The following TCF21 variants were observed in gnomAD, a reference collection of about 807,000 sequenced individuals.
TCF21 encodes the protein transcription factor 21, also known as capsulin.
A neutral mutation model predicts 13.5 loss-of-function variants in TCF21; 3 were observed. The observed-to-expected ratio is 0.22, with a 90% confidence interval of 0.10 to 0.57. The LOEUF (loss-of-function observed/expected upper bound fraction) is 0.57. TCF21 is among the 20% of genes least tolerant of loss of function. The probability of loss-of-function intolerance (pLI) is 0.92; values close to 1 mark genes in which losing one functional copy is unlikely to be tolerated. For missense variants in TCF21, 181 were observed against 238.4 expected, an observed-to-expected ratio of 0.76 and a Z score of 1.59; for synonymous variants, 92 against 101.7, an observed-to-expected ratio of 0.90 and a Z score of 0.57.
In TCF21 at chr6:133,889,652, C is replaced by T. The variant is rs984449296; in HGVS notation, c.255C>T (p.Asn85=). ...EGKQVQRNAA[N]ARERARMRVL... Reference sequence around the variant, plus strand: ...AGCAGGTCCAGCGCAACGCCGCCAACGCGCGAGAGCGGGCCCGCATGCGAG... The same window carrying T: ...AGCAGGTCCAGCGCAACGCCGCCAATGCGCGAGAGCGGGCCCGCATGCGAG... Residue 85 remains asparagine, a synonymous_variant, in exon 1 of 2, where the codon AAC becomes AAT. Coordinates refer to ENST00000367882, the MANE Select transcript of TCF21 (RefSeq NM_003206.4). This position sits in a 1 kb window ranked among gnomAD's most constrained non-coding sequence, Gnocchi z 5.1. The T allele has an allele frequency of 6.2e-7, 1 of 1,613,800 alleles. No individual in the cohort carries two copies.
chr6:133,893,402 T>A (rs1271701091), downstream of TCF21: 1 of 152,288 alleles, frequency 6.6e-6, no homozygotes, highest in Non-Finnish European at 1.5e-5. Flanking sequence ...TCCACCTGTC[T>A]ATTTGCACAT....
chr6:133,889,538 G>A lies in TCF21; in HGVS notation c.141G>A (p.Gly47=). ...AGGAGAGCTCCAACTGCGAGAATGGGTCTCCCCAGAAGGGCCGCGGCGGCC... is the reference window on the plus strand; with the variant it reads ...AGGAGAGCTCCAACTGCGAGAATGGATCTCCCCAGAAGGGCCGCGGCGGCC... ...STEESSNCEN[G]SPQKGRGGLG... Residue 47 remains glycine, a synonymous_variant, in exon 1 of 2, where the codon GGG becomes GGA. Coordinates refer to ENST00000367882, the MANE Select transcript of TCF21 (RefSeq NM_003206.4). This position sits in a 1 kb window ranked among gnomAD's most constrained non-coding sequence, Gnocchi z 5.1. 1.9e-6 allele frequency: 3 copies of A among 1,614,062 alleles called. No individual in the cohort carries two copies. The highest frequency in any genetic ancestry group is 2.5e-6 in the Non-Finnish European group (3 of 1,179,970).
Position 133,891,815 on chromosome 6 carries a change from GA to G in TCF21, c.*14del. ...CACCGCGTCCTGACCTTGGAGGTGC[GA>G]GTCTGGGAAAGGCGCGCTCCCGGGG... On this transcript the variant is annotated 3_prime_UTR_variant, in exon 2 of 2. Coordinates refer to ENST00000367882, the MANE Select transcript of TCF21 (RefSeq NM_003206.4). The G allele has an allele frequency of 6.2e-7, 1 of 1,613,380 alleles. No homozygotes were observed. The highest frequency in any genetic ancestry group is 8.5e-7 in the Non-Finnish European group (1 of 1,179,480).
Position 133,891,889 on chromosome 6 carries a change from C to T in TCF21, c.*87C>T, listed in dbSNP as rs768093248. The T allele has an allele frequency of 2.0e-5, 28 of 1,370,504 alleles. No homozygotes were observed. The highest frequency in any genetic ancestry group is 2.8e-5 in the Non-Finnish European group (28 of 983,174). 84.9% of individuals were successfully genotyped at this position (1,370,504 alleles called of 1,614,324 possible). A position where few individuals can be genotyped will look rare whatever the true frequency, so the allele number is the denominator to read the frequency against. On this transcript the variant is annotated 3_prime_UTR_variant, in exon 2 of 2. Transcript: ENST00000367882. ...CCCCTGCCCTCAGTGCTCTCTGTCT[C>T]TGCTTCCCCCTCGCAATGCTCCTCT... is the stretch of plus-strand genomic sequence containing the variant.
chr6:133,891,631 C>CCTCCCT, intron 1 of TCF21, 82 bp from the exon 2 acceptor site: 2 of 1,215,180 alleles, frequency 1.6e-6, no homozygotes, highest in South Asian at 1.3e-5. Flanking sequence ...CACCGCCCCC[C>CCTCCCT]TTCCTTTCAT....
chr6:133,891,625 GC>G (rs1457890812), intron 1 of TCF21, 87 bp from the exon 2 acceptor site: 20 of 400,542 alleles, frequency 5.0e-5, no homozygotes, highest in South Asian at 1.9e-4. Flanking sequence ...TGCCCCCACC[GC>G]CCCCCTTCCT....
Position 133,889,359 on chromosome 6 carries a change from GTCTCTC to G in TCF21, c.-26_-21del, listed in dbSNP as rs3068172. ...TCTTCCTCGCTTTCTCTGTCTCTCT[GTCTCTC>G]TCTCTCTCTCTCCCTCGTCCACTCC... On this transcript the variant is annotated 5_prime_UTR_variant, in exon 1 of 2. Coordinates refer to ENST00000367882, the MANE Select transcript of TCF21 (RefSeq NM_003206.4). This position sits in a 1 kb window ranked among gnomAD's most constrained non-coding sequence, Gnocchi z 5.1. 3 of 1,518,514 alleles carry G rather than the reference GTCTCTC, an allele frequency of 2.0e-6. No homozygotes were observed. Among genetic ancestry groups the G allele is most frequent in the South Asian group, 1.2e-5 (1 of 85,172 alleles). 94.1% of individuals were successfully genotyped at this position (1,518,514 alleles called of 1,614,324 possible). A position where few individuals can be genotyped will look rare whatever the true frequency, so the allele number is the denominator to read the frequency against.
intron 1 of TCF21, among the ~76,000 whole-genome samples, chr6:133,890,059 T>C (rs1243477931): frequency 6.6e-6 from 1 of 151,458 alleles, no homozygotes; most frequent in Admixed American, 6.6e-5. Flanking sequence ...GGAGCGGGAG[T>C]GATTTATGCG....
In TCF21 at chr6:133,891,976, A is replaced by G. The variant is rs1371413153; in HGVS notation, c.*174A>G. 17 of 624,094 alleles carry G rather than the reference A, an allele frequency of 2.7e-5. No homozygotes were observed. Among genetic ancestry groups the G allele is most frequent in the Non-Finnish European group, 4.7e-5 (17 of 361,124 alleles). The allele number at this position is 624,094 out of a possible 1,614,324, so 38.7% of individuals were successfully genotyped here. A position where few individuals can be genotyped will look rare whatever the true frequency, so the allele number is the denominator to read the frequency against. On this transcript the variant is annotated 3_prime_UTR_variant, in exon 2 of 2. Coordinates refer to ENST00000367882, the MANE Select transcript of TCF21 (RefSeq NM_003206.4). ...AGGAGATTCGTTTCCAAACCAGAGGAGATCAATTGTACTTACAAAGATTCC... is the reference window on the plus strand; with the variant it reads ...AGGAGATTCGTTTCCAAACCAGAGGGGATCAATTGTACTTACAAAGATTCC...
downstream of TCF21, chr6:133,893,120 T>C (rs936133929): frequency 1.3e-4 from 19 of 150,542 alleles, no homozygotes; most frequent in African/African-American, 4.0e-4. Flanking sequence ...ATTTGCTCTT[T>C]CTTTTCGATT....
At chr6:133,894,774 G>A (rs1156337322), downstream of TCF21, 1 of 152,324 alleles carries the variant, frequency 6.6e-6, no homozygotes, top group Non-Finnish European at 1.5e-5. Context: ...TTGGCCTCAA[G>A]CCAGTATAGT....
chr6:133,890,516 C>T (rs1572425), intron 1 of TCF21, among the ~76,000 whole-genome samples: 132,277 of 152,182 alleles, frequency 0.87, 57,682 homozygotes, highest in Admixed American at 0.92. Flanking sequence ...GTCACTCTCA[C>T]CCAAGATTTA....
At position 133,889,885 on chromosome 6, in the gene TCF21, G is replaced by T. The variant is rs1159493067; in HGVS notation, c.450+38G>T. ...GGGGCTGCAGCTGCAGTCCAGGCGC[G>T]CCCGCACTCCCGCCTGCGGTGGGCG... On this transcript the variant is annotated intron_variant, in intron 1 of 1. Coordinates refer to ENST00000367882, the MANE Select transcript of TCF21 (RefSeq NM_003206.4). The surrounding 1 kb of genome is among the most constrained non-coding windows in gnomAD (Gnocchi z 5.1). 1.9e-6 allele frequency: 3 copies of T among 1,609,318 alleles called. No homozygotes were observed. The highest frequency in any genetic ancestry group is 3.3e-5 in the Admixed American group (2 of 59,976).
At chr6:133,895,370 GA>G (rs1244956903), downstream of TCF21, 1 of 152,184 alleles carries the variant, frequency 6.6e-6, no homozygotes, top group Non-Finnish European at 1.5e-5. Context: ...AATGCAGTGG[GA>G]AAGAAAATAT....
downstream of TCF21, chr6:133,895,031 C>G (rs1775280302): frequency 6.6e-6 from 1 of 152,180 alleles, no homozygotes; most frequent in Admixed American, 6.5e-5. Context: ...CTCTCTCTCT[C>G]TCTCTCTCAT....
Position 133,889,293 on chromosome 6 carries a change from A to C in TCF21, c.-105A>C. 2.8e-6 allele frequency: 4 copies of C among 1,429,300 alleles called. No homozygotes were observed. The highest frequency in any genetic ancestry group is 3.9e-6 in the Non-Finnish European group (4 of 1,026,294). The allele number at this position is 1,429,300 out of a possible 1,614,324, so 88.5% of individuals were successfully genotyped here. ...AGGAGGTGGCTGCGCCACACTCGGGAGGCCTCTTGGTTTCAGGGTCTCTCT... is the reference window on the plus strand; with the variant it reads ...AGGAGGTGGCTGCGCCACACTCGGGCGGCCTCTTGGTTTCAGGGTCTCTCT... On this transcript the variant is annotated 5_prime_UTR_variant, in exon 1 of 2. Transcript: ENST00000367882. This position sits in a 1 kb window ranked among gnomAD's most constrained non-coding sequence, Gnocchi z 5.1.
downstream of TCF21, chr6:133,895,241 C>T (rs984114226): frequency 2.0e-5 from 3 of 152,320 alleles, no homozygotes; most frequent in South Asian, 6.2e-4. Flanking sequence ...TGCCTCCACC[C>T]TCCAGAGATC....
chr6:133,890,296 C>T (rs569731439), intron 1 of TCF21, among the ~76,000 whole-genome samples: 75 of 152,280 alleles, frequency 4.9e-4, no homozygotes, highest in African/African-American at 1.7e-3. Context: ...AATAAAAACA[C>T]CCAACTCCGT....
At chr6:133,894,489 G>C (rs1775270555), downstream of TCF21, 1 of 152,236 alleles carries the variant, frequency 6.6e-6, no homozygotes, top group Non-Finnish European at 1.5e-5. Flanking sequence ...GGAATGACTG[G>C]GTGGTGGCTG....
Sources: gnomAD v4.1 joint callset for allele counts (sites outside exome capture counted in the v4.1 genomes callset) on GRCh38, gnomAD v4.1.1 for gene constraint, Gnocchi (gnomAD v3.1) non-coding constraint, MANE v1.5 for transcripts, NCBI Gene and HGNC (gene_info 2026-07-23, HGNC 2026-07-21) for gene names.